GLT8D2: variants seen among roughly 807,000 people sequenced by gnomAD.
GLT8D2 encodes the protein glycosyltransferase 8 domain-containing protein 2.
Under a neutral mutation model 44.5 loss-of-function variants are expected in GLT8D2, and 45 were observed. The observed-to-expected ratio is 1.01, with a 90% CI of 0.80 to 1.30. The LOEUF is 1.30. GLT8D2 is among the 50% of genes most tolerant of loss of function. GLT8D2 has a pLI of 0.00. For missense variants in GLT8D2, 400 were observed against 430.4 expected, an observed-to-expected ratio of 0.93 and a Z score of 0.62; for synonymous variants, 156 against 157.2, an observed-to-expected ratio of 0.99 and a Z score of 0.06.
chr12:104,007,621 C>T (rs942147998), intron 4 of GLT8D2, among the ~76,000 whole-genome samples: 1 of 152,184 alleles, frequency 6.6e-6, no homozygotes, highest in Non-Finnish European at 1.5e-5. Flanking sequence ...TTGATACATA[C>T]ATATTTGCAA....
At chr12:104,032,466 C>CAAAAAAAAAAAAAAAAAAAAAAAA (rs547392677) in intron 1 of GLT8D2, among the ~76,000 whole-genome samples, 9 of 59,670 alleles carry the variant, frequency 1.5e-4, no homozygotes, top group African/African-American at 2.0e-4. Flanking sequence ...TGTGCAATAG[C>CAAAAAAAAAAAAAAAAAAAAAAAA]AAAAAAAAAA....
chr12:104,015,151 A>G (rs1363419516), intron 3 of GLT8D2, 46 bp from the exon 4 acceptor site: 1 of 1,452,338 alleles, frequency 6.9e-7, no homozygotes, highest in East Asian at 2.3e-5. Flanking sequence ...TATGAACCTG[A>G]AATCACGTGA....
intron 1 of GLT8D2, among the ~76,000 whole-genome samples, chr12:104,026,963 C>T (rs1210587031): frequency 1.3e-5 from 2 of 152,076 alleles, no homozygotes; most frequent in African/African-American, 4.8e-5. Flanking sequence ...AGAGATAGCC[C>T]GAGGAGGTAA....
chr12:104,041,825 GTA>G (rs1880592702), intron 1 of GLT8D2, among the ~76,000 whole-genome samples: 1 of 152,188 alleles, frequency 6.6e-6, no homozygotes, highest in Non-Finnish European at 1.5e-5. Flanking sequence ...AGATGCCTTG[GTA>G]GATGTAAGCA....
At chr12:104,033,129 A>T (rs1420534492) in intron 1 of GLT8D2, among the ~76,000 whole-genome samples, 1 of 152,016 alleles carries the variant, frequency 6.6e-6, no homozygotes, top group African/African-American at 2.4e-5. Flanking sequence ...TGATCTGCCC[A>T]CCTCAGCCTC....
chr12:104,001,607 T>C lies in GLT8D2; in HGVS notation c.284+1528A>G, dbSNP rs1035120203. Among the ~76,000 whole-genome samples the C allele has an allele frequency of 3.9e-5, 6 of 152,236 alleles. 1 individual carries two copies. The highest frequency in any genetic ancestry group is 3.3e-4 in the Admixed American group (5 of 15,282). On this transcript the variant is annotated intron_variant, in intron 5 of 10. Transcript: ENST00000360814. ...GATTGTCACTGAAGTGACATATATGTTTTCATTTTTATTTTCATTTTCAAC... is the reference window on the plus strand; with the variant it reads ...GATTGTCACTGAAGTGACATATATGCTTTCATTTTTATTTTCATTTTCAAC...
intron 1 of GLT8D2, chr12:104,030,874 G>A (rs2136429428): frequency 2.6e-6 from 4 of 1,566,074 alleles, no homozygotes; most frequent in East Asian, 2.3e-5. Flanking sequence ...ACCTGAGCCC[G>A]GCGGGCCACG....
chr12:104,016,419 T>C (rs1319330438), intron 3 of GLT8D2, among the ~76,000 whole-genome samples: 1 of 151,870 alleles, frequency 6.6e-6, no homozygotes, highest in Non-Finnish European at 1.5e-5. Flanking sequence ...GGTGGATCAC[T>C]GGAGGCCAGG....
At chr12:104,002,333 AT>A (rs1200361061) in intron 5 of GLT8D2, among the ~76,000 whole-genome samples, 4 of 152,116 alleles carry the variant, frequency 2.6e-5, no homozygotes, top group African/African-American at 9.7e-5. Flanking sequence ...TCCTATGCCC[AT>A]TTTTTAACCA....
intron 4 of GLT8D2, among the ~76,000 whole-genome samples, chr12:104,007,462 T>A (rs1875219636): frequency 6.6e-6 from 1 of 152,196 alleles, no homozygotes; most frequent in South Asian, 2.1e-4. Context: ...TCCTTCTATG[T>A]CTTTTCTACC....
At position 104,032,466 on chromosome 12, in the gene GLT8D2, CAAAA is replaced by C. The variant is rs547392677; in HGVS notation, c.-163-10979_-163-10976del. ...ATAATAAAGGAGTGATGTGCAATAG[CAAAA>C]AAAAAAAAAAAAAAAAAAAAATAGG... On this transcript the variant is annotated intron_variant, in intron 1 of 10. Transcript: ENST00000360814. 3.5e-3 allele frequency among the ~76,000 whole-genome samples: 210 copies of C among 59,668 alleles called. 4 individuals are homozygous for C. Among genetic ancestry groups the C allele is most frequent in the East Asian group, 0.015 (54 of 3,642 alleles). The allele number at this position is 59,668 out of a possible 152,430, so 39.1% of individuals were successfully genotyped here.
chr12:104,016,826 A>AAAAGAAAG (rs200147212), intron 3 of GLT8D2, among the ~76,000 whole-genome samples: 11,222 of 71,756 alleles, frequency 0.16, 1,445 homozygotes, highest in East Asian at 0.18. Context: ...AAAGAGAAAG[A>AAAAGAAAG]AAAGAAAGAA....
At chr12:104,033,368 T>C (rs1455681147) in intron 1 of GLT8D2, among the ~76,000 whole-genome samples, 1 of 152,128 alleles carries the variant, frequency 6.6e-6, no homozygotes. Flanking sequence ...TGGGTGAGCC[T>C]GGAGGACATT....
intron 1 of GLT8D2, among the ~76,000 whole-genome samples, chr12:104,032,465 G>GAAAA (rs1421816259): frequency 5.6e-5 from 1 of 17,944 alleles, no homozygotes; most frequent in Non-Finnish European, 9.3e-5. Context: ...ATGTGCAATA[G>GAAAA]CAAAAAAAAA....
chr12:104,045,945 G>A (rs1485673846), intron 1 of GLT8D2, among the ~76,000 whole-genome samples: 1 of 142,734 alleles, frequency 7.0e-6, no homozygotes, highest in African/African-American at 2.6e-5. Flanking sequence ...GAAAAAGAAA[G>A]AAAGAAAGAA....
intron 7 of GLT8D2, 146 bp from the exon 8 acceptor site, chr12:103,996,993 A>T: frequency 1.7e-6 from 1 of 598,070 alleles, no homozygotes; most frequent in South Asian, 2.2e-5. Context: ...TTTATTTATT[A>T]AGAGTCTTGC....
At chr12:104,021,879 GAAGAAGAAGA>G in intron 1 of GLT8D2, among the ~76,000 whole-genome samples, 1 of 17,118 alleles carries the variant, frequency 5.8e-5, no homozygotes, top group Non-Finnish European at 9.6e-5. Flanking sequence ...AGAAGAAGAA[GAAGAAGAAGA>G]AGAAGAAGAA....
At chr12:104,024,968 G>A (rs1276039629) in intron 1 of GLT8D2, among the ~76,000 whole-genome samples, 1 of 151,250 alleles carries the variant, frequency 6.6e-6, no homozygotes, top group Non-Finnish European at 1.5e-5. Context: ...TACTCGGGAG[G>A]CTGAGGCAGG....
rs773836380 is a variant in GLT8D2, at chr12:103,999,419, GATGAGT to G, written c.374_379del (p.Asp125_Ser127delinsAla). 10 of 1,609,994 alleles carry G rather than the reference GATGAGT, an allele frequency of 6.2e-6. No homozygotes were observed. In the South Asian group the frequency reaches 1.1e-4, roughly 18 times the overall value. On this transcript the variant is annotated inframe_deletion, in exon 6 of 11. Transcript: ENST00000360814. ...TACAGGCTGGAGCAATTCAGGCCTC[GATGAGT>G]CTGGTCTGATCTTCCCTTTGAGGAC...
Sources: allele counts gnomAD v4.1 joint callset (sites outside exome capture counted in the v4.1 genomes callset), GRCh38; gene constraint gnomAD v4.1.1; transcripts MANE v1.5; gene names NCBI Gene and HGNC (gene_info 2026-07-23, HGNC 2026-07-21).